Variants in CSMD1 observed in about 807,000 individuals in gnomAD.
CSMD1 encodes the protein CUB and Sushi multiple domains 1, also known as CUB and sushi domain-containing protein 1.
CSMD1 carries 213 observed loss-of-function variants against 417.5 expected under a neutral mutation model. The ratio of observed to expected loss-of-function variants is 0.51; its 90% confidence interval spans 0.46 to 0.57. CSMD1 has a LOEUF of 0.57. Among genes scored for constraint, CSMD1 ranks in the 20% least tolerant of loss-of-function variants. CSMD1 has a pLI of 0.00. For missense variants in CSMD1, 6,923 were observed against 4,529.7 expected (o/e 1.53, Z -15.17); for synonymous variants, 2,862 against 1,736.8 (o/e 1.65, Z -16.11).
chr8:4,724,970 T>G (rs756227875), intron 1 of CSMD1, among the ~76,000 whole-genome samples: 1 of 152,126 alleles, frequency 6.6e-6, no homozygotes, highest in Non-Finnish European at 1.5e-5. Flanking sequence ...GTTTAAAACA[T>G]AAGCCCATAA....
At chr8:3,170,342 G>A (rs1366014277) in intron 37 of CSMD1, among the ~76,000 whole-genome samples, 2 of 152,150 alleles carry the variant, frequency 1.3e-5, no homozygotes, top group Non-Finnish European at 2.9e-5. Flanking sequence ...CGAGTAGCTG[G>A]GACTACAGGC....
rs142102751 is a variant in CSMD1, at chr8:3,462,988, C to G, written c.1561+5724G>C. Among the ~76,000 whole-genome samples the G allele has an allele frequency of 5.7e-4, 87 of 152,334 alleles. 1 individual carries two copies. Among genetic ancestry groups the G allele is most frequent in the Middle Eastern group, 6.8e-3 (2 of 294 alleles). On this transcript the variant is annotated intron_variant, in intron 12 of 69. Coordinates refer to ENST00000635120, the MANE Select transcript of CSMD1 (RefSeq NM_033225.6). ...GTCCAGGCTTGTGGCCTTGCGCTGT[C>G]CACCACGTGAGGACACAGTGAGAAG...
intron 1 of CSMD1, among the ~76,000 whole-genome samples, chr8:4,638,835 G>A (rs1047779931): frequency 1.3e-5 from 2 of 152,196 alleles, no homozygotes; most frequent in Non-Finnish European, 2.9e-5. Context: ...AAGCCACTGA[G>A]CAGTGTCTGA....
At chr8:3,153,420 C>A (rs763745012) in intron 39 of CSMD1, among the ~76,000 whole-genome samples, 1 of 152,164 alleles carries the variant, frequency 6.6e-6, no homozygotes, top group Admixed American at 6.6e-5. Flanking sequence ...CTTTACTCTA[C>A]GGATTCGTCC....
chr8:3,242,225 T>C (rs1799584070), intron 26 of CSMD1, among the ~76,000 whole-genome samples: 1 of 150,270 alleles, frequency 6.7e-6, no homozygotes, highest in Non-Finnish European at 1.5e-5. Flanking sequence ...GGAGGGGAGG[T>C]GATAAAAGGA....
Position 3,479,408 on chromosome 8 carries a change from G to C in CSMD1, c.1449-10584C>G, listed in dbSNP as rs866408409. On this transcript the variant is annotated intron_variant, in intron 11 of 69. Coordinates refer to ENST00000635120, the MANE Select transcript of CSMD1 (RefSeq NM_033225.6). ...TGATTCTCCTGCCTCAGCCTCCCAA[G>C]TGGCTGGGATTACAGGCATGCACCA... 6.6e-5 allele frequency among the ~76,000 whole-genome samples: 10 copies of C among 152,220 alleles called. 1 individual carries two copies. Among genetic ancestry groups the C allele is most frequent in the Middle Eastern group, 3.4e-3 (1 of 294 alleles).
At chr8:4,414,738 T>A (rs1336909820) in intron 3 of CSMD1, among the ~76,000 whole-genome samples, 1 of 152,208 alleles carries the variant, frequency 6.6e-6, no homozygotes, top group Non-Finnish European at 1.5e-5. Context: ...TAAGTTGTGG[T>A]TGAGTTCAGA....
At chr8:4,585,503 G>C (rs1462091219) in intron 2 of CSMD1, among the ~76,000 whole-genome samples, 1 of 152,004 alleles carries the variant, frequency 6.6e-6, no homozygotes, top group Non-Finnish European at 1.5e-5. Context: ...AATGAAAGAA[G>C]TATTTGAAGA....
At chr8:3,607,067 C>G (rs1217291637) in intron 8 of CSMD1, among the ~76,000 whole-genome samples, 1 of 152,166 alleles carries the variant, frequency 6.6e-6, no homozygotes, top group African/African-American at 2.4e-5. Context: ...GTTTAAGACA[C>G]AAACACATAG....
At chr8:3,069,958 T>C (rs745781209) in intron 49 of CSMD1, among the ~76,000 whole-genome samples, 3 of 152,218 alleles carry the variant, frequency 2.0e-5, no homozygotes, top group Non-Finnish European at 4.4e-5. Context: ...CCTACAGGCT[T>C]AACGCCACAC....
intron 6 of CSMD1, among the ~76,000 whole-genome samples, chr8:3,743,692 T>TC (rs532344468): frequency 4.9e-4 from 74 of 152,290 alleles, no homozygotes; most frequent in African/African-American, 9.4e-4. Flanking sequence ...CCGTATTTTT[T>TC]CCCATAAAGA....
rs1245213948 is a variant in CSMD1, at chr8:3,402,454, G to A, written c.2267-2925C>T. 2.6e-5 allele frequency among the ~76,000 whole-genome samples: 4 copies of A among 152,110 alleles called. No homozygotes were observed. In the East Asian group the frequency reaches 5.8e-4, roughly 22 times the overall value. The stretch of plus-strand genomic sequence containing the variant: ...CTTGAGATTTTCATGATGCCACTGA[G>A]CTGCATTGAGGAATACGAGCCTGTT... On this transcript the variant is annotated intron_variant, in intron 15 of 69. Transcript: ENST00000635120.
intron 2 of CSMD1, among the ~76,000 whole-genome samples, chr8:4,527,858 C>T (rs752414275): frequency 3.3e-5 from 5 of 152,156 alleles, no homozygotes; most frequent in Admixed American, 6.5e-5. Context: ...AATGGAATGA[C>T]GTCTTAGTTC....
intron 1 of CSMD1, among the ~76,000 whole-genome samples, chr8:4,899,304 T>C (rs964195367): frequency 1.3e-4 from 19 of 148,846 alleles, no homozygotes; most frequent in African/African-American, 4.7e-4. Flanking sequence ...ATTGATAACA[T>C]AAATTCTTAC....
chr8:3,915,608 T>A (rs1050231144), intron 5 of CSMD1, among the ~76,000 whole-genome samples: 21 of 151,256 alleles, frequency 1.4e-4, no homozygotes, highest in Non-Finnish European at 1.0e-4. Context: ...ACTGAAATAC[T>A]TGAAAAGCTT....
intron 2 of CSMD1, 105 bp downstream of exon 2, chr8:4,637,237 G>A: frequency 2.0e-6 from 2 of 1,021,662 alleles, no homozygotes; most frequent in South Asian, 3.1e-5. Flanking sequence ...CCCACCGGAA[G>A]GAACCAACTC....
chr8:4,083,759 A>G (rs954671631), intron 3 of CSMD1, among the ~76,000 whole-genome samples: 2 of 152,202 alleles, frequency 1.3e-5, no homozygotes, highest in African/African-American at 4.8e-5. Context: ...CCTAGGCATT[A>G]CCATTCAGGA....
intron 2 of CSMD1, among the ~76,000 whole-genome samples, chr8:4,525,057 G>A (rs1796447176): frequency 6.6e-6 from 1 of 152,076 alleles, no homozygotes; most frequent in South Asian, 2.1e-4. Flanking sequence ...TGTTAACGAT[G>A]TCAATTAAAC....
chr8:4,388,823 A>G (rs1306542428), intron 3 of CSMD1, among the ~76,000 whole-genome samples: 1 of 152,222 alleles, frequency 6.6e-6, no homozygotes, highest in Non-Finnish European at 1.5e-5. Flanking sequence ...GCACTGAATA[A>G]TCCTGCCTTC....
Sources: gnomAD v4.1 joint callset for allele counts (sites outside exome capture counted in the v4.1 genomes callset) on GRCh38, gnomAD v4.1.1 for gene constraint, MANE v1.5 for transcripts, NCBI Gene and HGNC (gene_info 2026-07-23, HGNC 2026-07-21) for gene names.